Variants in LRRTM4 observed in about 807,000 individuals in gnomAD.
LRRTM4 encodes the protein leucine rich repeat transmembrane neuronal 4.
In LRRTM4, 25 loss-of-function variants were observed where a neutral mutation model predicts 47.6. The ratio of observed to expected loss-of-function variants is 0.53; its 90% confidence interval spans 0.38 to 0.73. The LOEUF (loss-of-function observed/expected upper bound fraction) is 0.73. Among genes scored for constraint, LRRTM4 ranks in the 30% least tolerant of loss-of-function variants. The pLI, the probability that LRRTM4 is intolerant of heterozygous loss-of-function variation, is 0.00. For missense variants in LRRTM4, 638 were observed against 713.4 expected (o/e 0.89, Z 1.20); for synonymous variants, 311 against 269.5 (o/e 1.15, Z -1.51).
chr2:77,172,315 G>A (rs1432299884), intron 3 of LRRTM4, among the ~76,000 whole-genome samples: 1 of 152,156 alleles, frequency 6.6e-6, no homozygotes, highest in Non-Finnish European at 1.5e-5. Flanking sequence ...GGGCTAAACT[G>A]GCCAGGCGTG....
At chr2:77,061,381 A>C (rs113588675) in intron 3 of LRRTM4, among the ~76,000 whole-genome samples, 2,094 of 152,294 alleles carry the variant, frequency 0.014, 50 homozygotes, top group African/African-American at 0.048. Flanking sequence ...AAAATCTGAA[A>C]AAAAAGTGAC....
intron 3 of LRRTM4, among the ~76,000 whole-genome samples, chr2:76,807,506 A>C (rs957852576): frequency 2.1e-5 from 3 of 144,938 alleles, no homozygotes; most frequent in Non-Finnish European, 4.5e-5. Flanking sequence ...ATATATAGGC[A>C]AAGTTATACA....
At chr2:77,360,850 TCTCC>T in intron 3 of LRRTM4, among the ~76,000 whole-genome samples, 1 of 152,262 alleles carries the variant, frequency 6.6e-6, no homozygotes, top group East Asian at 1.9e-4. Flanking sequence ...TTTGTAATTT[TCTCC>T]CCAATCCATT....
intron 3 of LRRTM4, among the ~76,000 whole-genome samples, chr2:77,452,209 A>C (rs758671333): frequency 1.4e-4 from 21 of 152,228 alleles, no homozygotes; most frequent in Non-Finnish European, 2.9e-4. Flanking sequence ...TAAAGATGAA[A>C]ACAGATAAAG....
chr2:77,467,882 A>T (rs949507252), intron 3 of LRRTM4, among the ~76,000 whole-genome samples: 26 of 152,268 alleles, frequency 1.7e-4, no homozygotes, highest in African/African-American at 2.9e-4. Flanking sequence ...AATATTTTTT[A>T]AAAAATATCA....
chr2:77,039,720 C>T (rs919319795), intron 3 of LRRTM4, among the ~76,000 whole-genome samples: 2 of 150,890 alleles, frequency 1.3e-5, no homozygotes, highest in Non-Finnish European at 3.0e-5. Flanking sequence ...AGAATGTTCC[C>T]TTTTTTCATG....
chr2:77,412,103 T>A (rs921445041), intron 3 of LRRTM4, among the ~76,000 whole-genome samples: 1 of 150,598 alleles, frequency 6.6e-6, no homozygotes, highest in Non-Finnish European at 1.5e-5. Context: ...CAGGCTGAGT[T>A]CTACCTTTGA....
At chr2:76,989,568 T>A (rs1558781717) in intron 3 of LRRTM4, among the ~76,000 whole-genome samples, 1 of 151,806 alleles carries the variant, frequency 6.6e-6, no homozygotes, top group Non-Finnish European at 1.5e-5. Context: ...AAAATGCATG[T>A]TCTGGAGCAA....
intron 3 of LRRTM4, among the ~76,000 whole-genome samples, chr2:77,336,958 A>T (rs887040001): frequency 2.0e-5 from 3 of 152,122 alleles, no homozygotes; most frequent in Non-Finnish European, 4.4e-5. Context: ...ATGATACTAG[A>T]CATAGAGCAC....
Position 77,040,955 on chromosome 2 carries a change from T to C in LRRTM4, c.1552-292039A>G, listed in dbSNP as rs149753059. On this transcript the variant is annotated intron_variant, in intron 3 of 3. Coordinates refer to ENST00000409884, the MANE Select transcript of LRRTM4 (RefSeq NM_001134745.3). ...TGAGGACATTCAAAATCCTCTATTG[T>C]AGCTATTTTGAAATACACATTATTA... 1.3e-3 allele frequency among the ~76,000 whole-genome samples: 194 copies of C among 151,656 alleles called. 1 individual carries two copies. Among genetic ancestry groups the C allele is most frequent in the African/African-American group, 4.1e-3 (169 of 41,484 alleles).
chr2:77,218,484 C>T (rs1387879660), intron 3 of LRRTM4, among the ~76,000 whole-genome samples: 2 of 151,274 alleles, frequency 1.3e-5, no homozygotes, highest in Non-Finnish European at 2.9e-5. Flanking sequence ...ATGCCATATA[C>T]TTCCACTCCA....
intron 3 of LRRTM4, among the ~76,000 whole-genome samples, chr2:77,011,610 A>C (rs1677879365): frequency 6.6e-6 from 1 of 151,784 alleles, no homozygotes; most frequent in South Asian, 2.1e-4. Context: ...ACATGAGAAC[A>C]AACTGAAACA....
At chr2:76,845,195 G>A (rs1258380671) in intron 3 of LRRTM4, among the ~76,000 whole-genome samples, 1 of 152,014 alleles carries the variant, frequency 6.6e-6, no homozygotes, top group African/African-American at 2.4e-5. Flanking sequence ...CAATAAATAA[G>A]AAAGTAAAAG....
At chr2:76,914,434 C>T (rs905928948) in intron 3 of LRRTM4, among the ~76,000 whole-genome samples, 1 of 151,970 alleles carries the variant, frequency 6.6e-6, no homozygotes, top group African/African-American at 2.4e-5. Context: ...ATTTTCACTT[C>T]CTGATCTGGA....
chr2:76,806,251 G>T (rs1487239852), intron 3 of LRRTM4, among the ~76,000 whole-genome samples: 1 of 152,074 alleles, frequency 6.6e-6, no homozygotes, highest in Non-Finnish European at 1.5e-5. Flanking sequence ...AAAATTAGAA[G>T]ATGTCATTTT....
intron 3 of LRRTM4, among the ~76,000 whole-genome samples, chr2:77,345,449 C>G (rs1433094616): frequency 6.6e-6 from 1 of 151,716 alleles, no homozygotes; most frequent in Non-Finnish European, 1.5e-5. Flanking sequence ...AAAAACTCAA[C>G]AGTAAGAAAC....
At chr2:77,450,531 C>A (rs1676216477) in intron 3 of LRRTM4, among the ~76,000 whole-genome samples, 1 of 152,038 alleles carries the variant, frequency 6.6e-6, no homozygotes, top group Admixed American at 6.6e-5. Context: ...GTTTATAAAG[C>A]TGAATAAAGA....
intron 3 of LRRTM4, among the ~76,000 whole-genome samples, chr2:76,794,249 T>TTATACTCAGAAGAGAGAAGGAG (rs1244538122): frequency 1.3e-5 from 2 of 152,212 alleles, no homozygotes; most frequent in Non-Finnish European, 2.9e-5. Flanking sequence ...TGATTGTTTC[T>TTATACTCAGAAGAGAGAAGGAG]TATACTCAGA....
At chr2:77,385,540 G>C (rs1037785704) in intron 3 of LRRTM4, among the ~76,000 whole-genome samples, 1 of 151,950 alleles carries the variant, frequency 6.6e-6, no homozygotes, top group Admixed American at 6.6e-5. Context: ...TAAAATAGTA[G>C]TTTTCTAACA....
Sources: gnomAD v4.1 joint callset for allele counts (sites outside exome capture counted in the v4.1 genomes callset) on GRCh38, gnomAD v4.1.1 for gene constraint, MANE v1.5 for transcripts, NCBI Gene and HGNC (gene_info 2026-07-23, HGNC 2026-07-21) for gene names.